KLHL31: variants seen among roughly 807,000 people sequenced by gnomAD.
KLHL31 encodes the protein kelch like family member 31.
In KLHL31, 32 loss-of-function variants were observed where a neutral mutation model predicts 47.1. The observed-to-expected ratio is 0.68, with a 90% CI of 0.51 to 0.91. The LOEUF (loss-of-function observed/expected upper bound fraction) is 0.91, where lower values mean the gene tolerates loss of function less well. KLHL31 is among the 40% of genes least tolerant of loss of function. The probability of loss-of-function intolerance (pLI) is 0.00; values close to 1 mark genes in which losing one functional copy is unlikely to be tolerated. For missense variants in KLHL31, 797 were observed against 819.3 expected, an observed-to-expected ratio of 0.97 and a Z score of 0.33; for synonymous variants, 330 against 325.1, an observed-to-expected ratio of 1.01 and a Z score of -0.16.
intron 1 of KLHL31, among the ~76,000 whole-genome samples, chr6:53,663,269 G>A (rs964927662): frequency 6.6e-6 from 1 of 152,144 alleles, no homozygotes; most frequent in African/African-American, 2.4e-5. Context: ...GGTATAGCTG[G>A]TGTTTATAAA....
intron 1 of KLHL31, among the ~76,000 whole-genome samples, chr6:53,661,401 A>T (rs2127370535): frequency 6.6e-6 from 1 of 152,282 alleles, no homozygotes; most frequent in East Asian, 1.9e-4. Flanking sequence ...CTGGGTGCAA[A>T]CAAACACACA....
Position 53,651,085 on chromosome 6 carries a change from T to G in KLHL31, c.*513A>C, listed in dbSNP as rs1018528229. Reference sequence around the variant, plus strand: ...ATCACATATGGGGGGAAAATTGCGTTGAAATACAGAATTAAATCTTAAGTC... The same window carrying G: ...ATCACATATGGGGGGAAAATTGCGTGGAAATACAGAATTAAATCTTAAGTC... On this transcript the variant is annotated 3_prime_UTR_variant, in exon 3 of 3. Transcript: ENST00000370905. 6.6e-6 allele frequency: 1 copy of G among 152,280 alleles called. No homozygotes were observed. Among genetic ancestry groups the G allele is most frequent in the Non-Finnish European group, 1.5e-5 (1 of 68,124 alleles). 9.4% of individuals were successfully genotyped at this position (152,280 alleles called of 1,614,324 possible). A position where few individuals can be genotyped will look rare whatever the true frequency, so the allele number is the denominator to read the frequency against.
chr6:53,662,816 AT>A (rs1764666554), intron 1 of KLHL31, among the ~76,000 whole-genome samples: 1 of 152,098 alleles, frequency 6.6e-6, no homozygotes, highest in Admixed American at 6.6e-5. Flanking sequence ...CATCTTTTGT[AT>A]TTGCCAAATT....
intron 1 of KLHL31, among the ~76,000 whole-genome samples, chr6:53,656,630 G>A (rs1410952015): frequency 6.6e-6 from 1 of 151,994 alleles, no homozygotes; most frequent in African/African-American, 2.4e-5. Flanking sequence ...AACTTGTAAT[G>A]GCAGCATTAG....
chr6:53,650,055 A>C lies in KLHL31; in HGVS notation c.*1543T>G, dbSNP rs904086882. 3 of 152,014 alleles carry C rather than the reference A, an allele frequency of 2.0e-5. No individual in the cohort carries two copies. The highest frequency in any genetic ancestry group is 2.9e-5 in the Non-Finnish European group (2 of 67,972). The allele number at this position is 152,014 out of a possible 1,614,324, so 9.4% of individuals were successfully genotyped here. On this transcript the variant is annotated 3_prime_UTR_variant, in exon 3 of 3. Transcript: ENST00000370905. ...ACAGTTCAAATAACATATTTTAGAAATAAATATCATAACTAGCAATAACCT... is the reference window on the plus strand; with the variant it reads ...ACAGTTCAAATAACATATTTTAGAACTAAATATCATAACTAGCAATAACCT...
chr6:53,664,777 C>G (rs958319017), intron 1 of KLHL31, among the ~76,000 whole-genome samples: 1 of 152,124 alleles, frequency 6.6e-6, no homozygotes, highest in Non-Finnish European at 1.5e-5. Flanking sequence ...GTCTTTTTGC[C>G]AAAGGGGCGA....
At chr6:53,657,249 A>T (rs1439842510) in intron 1 of KLHL31, among the ~76,000 whole-genome samples, 2 of 152,046 alleles carry the variant, frequency 1.3e-5, no homozygotes, top group Non-Finnish European at 2.9e-5. Context: ...TAATCTGATG[A>T]TTTCTTTGGT....
At chr6:53,654,021 G>C in intron 2 of KLHL31, 80 bp downstream of exon 2, 1 of 1,221,476 alleles carries the variant, frequency 8.2e-7, no homozygotes, top group Non-Finnish European at 1.1e-6. Context: ...AAGTTAATAA[G>C]CAAGATTAAT....
intron 1 of KLHL31, among the ~76,000 whole-genome samples, chr6:53,660,361 T>C (rs138485299): frequency 6.6e-6 from 1 of 152,320 alleles, no homozygotes; most frequent in East Asian, 1.9e-4. Context: ...TGAAAACTTA[T>C]AGATAGATAC....
rs904422852 is a variant in KLHL31, at chr6:53,651,248, G to A, written c.*350C>T. On this transcript the variant is annotated 3_prime_UTR_variant, in exon 3 of 3. Coordinates refer to ENST00000370905, the MANE Select transcript of KLHL31 (RefSeq NM_001003760.5). ...TTACATAAACCTCAAGTGTACTAACGTGTAGAGGAAAAAATCTCAAATGTG... is the reference window on the plus strand; with the variant it reads ...TTACATAAACCTCAAGTGTACTAACATGTAGAGGAAAAAATCTCAAATGTG... 4 of 183,668 alleles carry A rather than the reference G, an allele frequency of 2.2e-5. No individual in the cohort carries two copies. Among genetic ancestry groups the A allele is most frequent in the African/African-American group, 9.4e-5 (4 of 42,466 alleles). The allele number at this position is 183,668 out of a possible 1,614,324, so 11.4% of individuals were successfully genotyped here.
In KLHL31 at chr6:53,651,123, G is replaced by A. The variant is rs1379609079; in HGVS notation, c.*475C>T. On this transcript the variant is annotated 3_prime_UTR_variant, in exon 3 of 3. Transcript: ENST00000370905. The stretch of plus-strand genomic sequence containing the variant: ...TAAATCTTAAGTCTTTATGGAGATC[G>A]ACAATTTCCATTTTTAAATAAATAA... The A allele has an allele frequency of 6.6e-6, 1 of 152,306 alleles. No homozygotes were observed. The allele number at this position is 152,306 out of a possible 1,614,324, so 9.4% of individuals were successfully genotyped here.
In KLHL31 at chr6:53,652,290, T is replaced by G. The variant is rs772684749; in HGVS notation, c.1213A>C (p.Met405Leu). 5.6e-6 allele frequency: 9 copies of G among 1,614,066 alleles called. No individual in the cohort carries two copies. In the African/African-American group the frequency reaches 1.1e-4, roughly 19 times the overall value. ...CTGAAGTGCGTGCGCTTCTGGTTCA[T>G]GCTGGCCAGGTGTATCCAGGTGTTG... ...RFNTWIHLAS[M>L]NQKRTHFSLS... Residue 405 changes from methionine to leucine, a missense_variant, in exon 3 of 3, where the codon ATG becomes CTG. Met to Leu is a conservative substitution (Grantham distance 15). Coordinates refer to ENST00000370905, the MANE Select transcript of KLHL31 (RefSeq NM_001003760.5).
chr6:53,657,095 C>T (rs969580577), intron 1 of KLHL31, among the ~76,000 whole-genome samples: 1 of 151,840 alleles, frequency 6.6e-6, no homozygotes, highest in African/African-American at 2.4e-5. Flanking sequence ...ACTATCTATG[C>T]CTGTCTACCT....
intron 1 of KLHL31, among the ~76,000 whole-genome samples, chr6:53,659,975 C>T (rs72943136): frequency 0.12 from 17,959 of 152,202 alleles, 1,111 homozygotes; most frequent in Middle Eastern, 0.22. Context: ...CCCATGGGAA[C>T]TTCCATGCCC....
chr6:53,658,532 G>T (rs1441601795), intron 1 of KLHL31, among the ~76,000 whole-genome samples: 3 of 152,044 alleles, frequency 2.0e-5, no homozygotes, highest in Admixed American at 6.5e-5. Flanking sequence ...TCCCCCTAAG[G>T]TACACTGTGT....
chr6:53,654,579 C>T lies in KLHL31; in HGVS notation c.694G>A (p.Val232Ile), dbSNP rs779051232. ...CATTTCATTGCAATCTGGAATGCTA[C>T]TATCTCAGAAGGCAACTGTAAGTCA... The part of the protein sequence containing the change: ...DDDLQLPSEI[V>I]AFQIAMKWLE... The change falls in exon 2 of 3, where the codon GTA becomes ATA. Residue 232 changes from valine to isoleucine, a missense_variant. Coordinates refer to ENST00000370905, the MANE Select transcript of KLHL31 (RefSeq NM_001003760.5). The T allele has an allele frequency of 1.2e-6, 2 of 1,613,534 alleles. No homozygotes were observed. The highest frequency in any genetic ancestry group is 1.7e-6 in the Non-Finnish European group (2 of 1,179,546).
In KLHL31 at chr6:53,654,894, A is replaced by T; in HGVS notation, c.379T>A (p.Tyr127Asn). 1 of 1,614,184 alleles carries T rather than the reference A, an allele frequency of 6.2e-7. No homozygotes were observed. The highest frequency in any genetic ancestry group is 8.5e-7 in the Non-Finnish European group (1 of 1,180,006). Residue 127 changes from tyrosine (Y) to asparagine (N), a missense_variant, in exon 2 of 3, where the codon TAT becomes AAT. By Grantham distance (143) the Tyr-to-Asn change is moderately radical. Transcript: ENST00000370905. ...SPLGLATVIA[Y>N]AYTGKLTLSL... Reference sequence around the variant, plus strand: ...AGAGTGAGCTTTCCAGTGTAGGCATATGCAATGACAGTGGCCAGGCCTAGT... The same window carrying T: ...AGAGTGAGCTTTCCAGTGTAGGCATTTGCAATGACAGTGGCCAGGCCTAGT...
At chr6:53,662,487 A>G (rs79752040) in intron 1 of KLHL31, among the ~76,000 whole-genome samples, 8,085 of 152,294 alleles carry the variant, frequency 0.053, 288 homozygotes, top group East Asian at 0.092. Flanking sequence ...CACAGGATGC[A>G]GAGGGTTGTA....
chr6:53,656,260 A>AT (rs1282611932), intron 1 of KLHL31, among the ~76,000 whole-genome samples: 16 of 152,262 alleles, frequency 1.1e-4, no homozygotes, highest in Non-Finnish European at 2.2e-4. Context: ...TCTATAAGAT[A>AT]TTTTTTCTTT....
Sources: gnomAD v4.1 joint callset for allele counts (sites outside exome capture counted in the v4.1 genomes callset) on GRCh38, gnomAD v4.1.1 for gene constraint, MANE v1.5 for transcripts, NCBI Gene and HGNC (gene_info 2026-07-23, HGNC 2026-07-21) for gene names.